The following GALNT17 variants were observed in gnomAD, a reference collection of about 807,000 sequenced individuals.
The protein encoded by GALNT17 is UDP-GalNAc:polypeptide N-acetylgalactosaminyltransferase-like 3.
A neutral mutation model predicts 63.7 loss-of-function variants in GALNT17; 29 were observed. The ratio of observed to expected loss-of-function variants is 0.46; its 90% confidence interval spans 0.34 to 0.62. The LOEUF (loss-of-function observed/expected upper bound fraction) is 0.62. Among genes scored for constraint, GALNT17 ranks in the 20% least tolerant of loss-of-function variants. GALNT17 has a pLI of 0.01. For missense variants in GALNT17, 603 were observed against 799.6 expected (o/e 0.75, Z 2.97); for synonymous variants, 305 against 318.3 (o/e 0.96, Z 0.45).
Position 71,581,242 on chromosome 7 carries a change from C to T in GALNT17, c.1080+9840C>T, listed in dbSNP as rs1013009724. ...TGGCTCAATCTCAGCTCACTATAAC[C>T]TCCATCTCCTGGGCTCAAGTGATTC... is the stretch of plus-strand genomic sequence containing the variant. On this transcript the variant is annotated intron_variant, in intron 6 of 10. Coordinates refer to ENST00000333538, the MANE Select transcript of GALNT17 (RefSeq NM_022479.3). Among the ~76,000 whole-genome samples the T allele has an allele frequency of 2.6e-5, 4 of 152,340 alleles. No individual in the cohort carries two copies. The South Asian group carries it at 6.2e-4, about 24-fold the overall frequency.
chr7:71,582,789 A>T (rs1789655547), intron 6 of GALNT17, among the ~76,000 whole-genome samples: 1 of 152,110 alleles, frequency 6.6e-6, no homozygotes, highest in Non-Finnish European at 1.5e-5. Flanking sequence ...GAATAAGAGT[A>T]ACACAATGGA....
intron 9 of GALNT17, among the ~76,000 whole-genome samples, chr7:71,691,166 G>T (rs374346971): frequency 4.6e-5 from 7 of 151,988 alleles, no homozygotes; most frequent in Non-Finnish European, 4.4e-5. Flanking sequence ...TGCCACAGCC[G>T]CCCCAACATT....
chr7:71,140,882 A>C (rs1046396462), intron 1 of GALNT17, among the ~76,000 whole-genome samples: 12 of 152,030 alleles, frequency 7.9e-5, no homozygotes, highest in Non-Finnish European at 1.5e-4. Flanking sequence ...TTAGCCAGAC[A>C]TTGTGGTGCA....
At chr7:71,595,770 A>G (rs1386105835) in intron 6 of GALNT17, among the ~76,000 whole-genome samples, 1 of 151,994 alleles carries the variant, frequency 6.6e-6, no homozygotes. Flanking sequence ...TCCATTGGCC[A>G]AGACAACTAC....
At chr7:71,196,272 G>A (rs987650279) in intron 1 of GALNT17, among the ~76,000 whole-genome samples, 21 of 151,988 alleles carry the variant, frequency 1.4e-4, no homozygotes, top group African/African-American at 4.8e-4. Flanking sequence ...CAAGTAGCTG[G>A]GGTTACAGGC....
At chr7:71,189,999 A>G (rs111775586) in intron 1 of GALNT17, among the ~76,000 whole-genome samples, 18,614 of 151,820 alleles carry the variant, frequency 0.12, 1,728 homozygotes, top group African/African-American at 0.26. Context: ...TTTTAGTAGA[A>G]GCAGGGTTTC....
chr7:71,567,559 G>C (rs1789369945), intron 5 of GALNT17, among the ~76,000 whole-genome samples: 1 of 152,228 alleles, frequency 6.6e-6, no homozygotes, highest in Non-Finnish European at 1.5e-5. Flanking sequence ...CCGCCTCTCA[G>C]GTTCAAGCGA....
chr7:71,683,314 C>A (rs896108518), intron 9 of GALNT17, among the ~76,000 whole-genome samples: 1 of 152,108 alleles, frequency 6.6e-6, no homozygotes, highest in Non-Finnish European at 1.5e-5. Context: ...AAAGCTCCCC[C>A]ACTTCCCAAA....
At chr7:71,572,518 A>AAC (rs1789463415) in intron 6 of GALNT17, among the ~76,000 whole-genome samples, 1 of 148,928 alleles carries the variant, frequency 6.7e-6, no homozygotes, top group African/African-American at 2.5e-5. Flanking sequence ...AAAAAAAAAA[A>AAC]AAAAAAAAAA....
At chr7:71,378,875 G>A (rs1269955257) in intron 2 of GALNT17, among the ~76,000 whole-genome samples, 2 of 152,050 alleles carry the variant, frequency 1.3e-5, no homozygotes, top group Non-Finnish European at 2.9e-5. Flanking sequence ...GGTGGTGCAC[G>A]CCTGTAGTCC....
At chr7:71,172,996 T>C (rs1482374909) in intron 1 of GALNT17, among the ~76,000 whole-genome samples, 1 of 152,160 alleles carries the variant, frequency 6.6e-6, no homozygotes, top group Non-Finnish European at 1.5e-5. Flanking sequence ...TTGGGTTTTC[T>C]TGGCACTCCA....
At chr7:71,204,717 C>T (rs1292800437) in intron 1 of GALNT17, among the ~76,000 whole-genome samples, 1 of 151,822 alleles carries the variant, frequency 6.6e-6, no homozygotes, top group Non-Finnish European at 1.5e-5. Flanking sequence ...CGGCATGCAC[C>T]ACCATACCTG....
At chr7:71,693,303 C>CAA (rs1214195779) in intron 9 of GALNT17, among the ~76,000 whole-genome samples, 5 of 121,988 alleles carry the variant, frequency 4.1e-5, no homozygotes, top group Middle Eastern at 4.2e-3. Flanking sequence ...CACACACACA[C>CAA]ACACACATAT....
chr7:71,705,014 GT>G (rs1258200058), intron 9 of GALNT17, among the ~76,000 whole-genome samples: 1 of 152,046 alleles, frequency 6.6e-6, no homozygotes, highest in Admixed American at 6.6e-5. Flanking sequence ...TAGCTACTTT[GT>G]ATTTTACCAA....
At chr7:71,496,566 C>T (rs1306384056) in intron 5 of GALNT17, among the ~76,000 whole-genome samples, 2 of 152,168 alleles carry the variant, frequency 1.3e-5, no homozygotes, top group African/African-American at 4.8e-5. Context: ...ACCTGCCCTC[C>T]TTCCCCGAAG....
chr7:71,287,212 C>A (rs1034700604), intron 1 of GALNT17, among the ~76,000 whole-genome samples: 20 of 152,116 alleles, frequency 1.3e-4, no homozygotes, highest in Admixed American at 7.2e-4. Flanking sequence ...ACCCCAGCCT[C>A]TTGAGTAGCT....
At chr7:71,444,291 A>C (rs1014563229) in intron 5 of GALNT17, among the ~76,000 whole-genome samples, 4 of 152,118 alleles carry the variant, frequency 2.6e-5, no homozygotes, top group African/African-American at 7.2e-5. Context: ...ATTCCTGCCC[A>C]GGGAAAAGCC....
intron 5 of GALNT17, among the ~76,000 whole-genome samples, chr7:71,545,542 G>T (rs887653253): frequency 6.6e-6 from 1 of 152,030 alleles, no homozygotes; most frequent in Admixed American, 6.6e-5. Context: ...AGTAGAGATG[G>T]GGTTTCACCA....
chr7:71,486,953 T>G (rs1195884859), intron 5 of GALNT17, among the ~76,000 whole-genome samples: 2 of 152,104 alleles, frequency 1.3e-5, no homozygotes, highest in Admixed American at 1.3e-4. Context: ...CCCTAAGTAT[T>G]GAGATGACTG....
Sources: gnomAD v4.1 joint callset for allele counts (sites outside exome capture counted in the v4.1 genomes callset) on GRCh38, gnomAD v4.1.1 for gene constraint, MANE v1.5 for transcripts, NCBI Gene and HGNC (gene_info 2026-07-23, HGNC 2026-07-21) for gene names.